Variants in FAM83A observed in about 807,000 individuals in gnomAD.
FAM83A encodes the protein protein FAM83A.
In FAM83A, 21 loss-of-function variants were observed where a neutral mutation model predicts 24.4. That is an observed-to-expected ratio of 0.86 (90% CI 0.61 to 1.24). The LOEUF (loss-of-function observed/expected upper bound fraction) is 1.24. Ranked by LOEUF, FAM83A falls within the 50% of genes most tolerant of loss-of-function variation. The probability of loss-of-function intolerance (pLI) is 0.00; values close to 1 mark genes in which losing one functional copy is unlikely to be tolerated. For synonymous variants in FAM83A, 270 were observed against 252.4 expected (o/e 1.07, Z -0.66); for missense variants, 617 against 579.8 (o/e 1.06, Z -0.66).
chr8:123,193,974 A>G, intron 2 of FAM83A, 50 bp from the exon 3 acceptor site: 1 of 1,608,388 alleles, frequency 6.2e-7, no homozygotes, highest in Non-Finnish European at 8.5e-7. Flanking sequence ...GCCCAAATGT[A>G]TCTCTATAAA....
intron 1 of FAM83A, among the ~76,000 whole-genome samples, chr8:123,186,022 C>T (rs552734566): frequency 6.6e-6 from 1 of 152,272 alleles, no homozygotes; most frequent in Admixed American, 6.5e-5. Context: ...AACTCCTGAC[C>T]TCATGATCCA....
chr8:123,192,790 T>C (rs1463064493), intron 2 of FAM83A: 2 of 152,362 alleles, frequency 1.3e-5, no homozygotes, highest in Non-Finnish European at 2.9e-5. Context: ...TTGGGACCTC[T>C]GGCTGCTGGT....
Position 123,183,386 on chromosome 8 carries a change from G to A in FAM83A, c.480+50G>A, listed in dbSNP as rs779631433. ...CCGTGGCCAAGTAGCAGGGAGGATC[G>A]GGGGCTGATAGAGCAGGGAGGGGGG... On this transcript the variant is annotated intron_variant, in intron 1 of 3. Coordinates refer to ENST00000690554, the Ensembl canonical transcript of FAM83A. 32 of 1,570,026 alleles carry A rather than the reference G, an allele frequency of 2.0e-5. 2 individuals carry two copies. In the South Asian group the frequency reaches 2.3e-4, roughly 11 times the overall value.
chr8:123,208,787 G>T, exon 4 of FAM83A: 1 of 973,136 alleles, frequency 1.0e-6, no homozygotes, highest in Non-Finnish European at 1.2e-6. Context: ...CCTGAGATCA[G>T]GTGGATTACC....
chr8:123,194,085 CT>C lies in FAM83A; in HGVS notation c.711del (p.Gly238AlafsTer59). ...TGTGCCAAGTCAGGCAGGAAATTCG[CT>C]GGCCAAATCCGGGAGAAGTTCATCA... On this transcript the variant is annotated frameshift_variant, in exon 3 of 4. Coordinates refer to ENST00000690554, the Ensembl canonical transcript of FAM83A. LOFTEE classifies it high-confidence loss of function. 1.9e-6 allele frequency: 3 copies of C among 1,614,214 alleles called. 1 individual carries two copies. In the South Asian group the frequency reaches 3.3e-5, roughly 18 times the overall value.
At chr8:123,191,087 C>T (rs1823959255) in intron 1 of FAM83A, among the ~76,000 whole-genome samples, 1 of 152,156 alleles carries the variant, frequency 6.6e-6, no homozygotes, top group Non-Finnish European at 1.5e-5. Flanking sequence ...GGCAATAGAC[C>T]CTTCCAAACC....
chr8:123,184,777 A>T (rs1302494740), intron 1 of FAM83A, among the ~76,000 whole-genome samples: 1 of 152,194 alleles, frequency 6.6e-6, no homozygotes, highest in African/African-American at 2.4e-5. Flanking sequence ...CATCATCTGT[A>T]AAATCCTCTC....
chr8:123,203,011 T>C (rs374739802), intron 3 of FAM83A, among the ~76,000 whole-genome samples: 14 of 151,952 alleles, frequency 9.2e-5, no homozygotes, highest in African/African-American at 3.4e-4. Context: ...AACAGAAAGC[T>C]CAGGCACATA....
intron 3 of FAM83A, among the ~76,000 whole-genome samples, chr8:123,206,138 CAA>C (rs57788150): frequency 3.6e-4 from 40 of 110,950 alleles, no homozygotes; most frequent in African/African-American, 7.3e-4. Flanking sequence ...GTAAGACTCT[CAA>C]AAAAAAAAAA....
At chr8:123,183,406 G>T (rs1823683250) in intron 1 of FAM83A, 70 bp downstream of exon 1, 1 of 1,542,338 alleles carries the variant, frequency 6.5e-7, no homozygotes, top group Admixed American at 1.9e-5. Context: ...AGAGCAGGGA[G>T]GGGGGTGCAT....
intron 3 of FAM83A, among the ~76,000 whole-genome samples, chr8:123,194,878 A>G (rs140391283): frequency 0.014 from 2,154 of 152,310 alleles, 49 homozygotes; most frequent in African/African-American, 0.049. Flanking sequence ...CCCTGCGCCC[A>G]GCCTCAATTT....
intron 3 of FAM83A, among the ~76,000 whole-genome samples, chr8:123,205,603 G>A (rs1047961491): frequency 1.3e-5 from 2 of 152,204 alleles, no homozygotes; most frequent in African/African-American, 4.8e-5. Context: ...GGTGGGCTGG[G>A]GGCTGGGGGC....
chr8:123,191,823 T>C, exon 2 of FAM83A: 1 of 1,614,012 alleles, frequency 6.2e-7, no homozygotes, highest in East Asian at 2.2e-5. Context: ...TCCTGATGGA[T>C]GTGTTCACGG....
intron 2 of FAM83A, among the ~76,000 whole-genome samples, chr8:123,192,327 G>A (rs1824008548): frequency 6.6e-6 from 1 of 152,160 alleles, no homozygotes. Context: ...TATCTGGTGA[G>A]CAGCATCTCT....
At chr8:123,207,197 T>C in exon 4 of FAM83A, 2 of 1,600,290 alleles carry the variant, frequency 1.2e-6, no homozygotes, top group Non-Finnish European at 1.7e-6. Flanking sequence ...GAACATCCTC[T>C]CCAAGTTCAC....
chr8:123,209,016 T>TCAC lies in FAM83A; in HGVS notation c.*1328_*1329insCAC, dbSNP rs1442681141. 1 of 985,728 alleles carries TCAC rather than the reference T, an allele frequency of 1.0e-6. No individual in the cohort carries two copies. The highest frequency in any genetic ancestry group is 1.8e-5 in the African/African-American group (1 of 56,412). 61.1% of individuals were successfully genotyped at this position (985,728 alleles called of 1,614,324 possible). On this transcript the variant is annotated 3_prime_UTR_variant, in exon 4 of 4. Coordinates refer to ENST00000690554, the Ensembl canonical transcript of FAM83A. This position sits in a 1 kb window ranked among gnomAD's most constrained non-coding sequence, Gnocchi z 4.7. ...CATAGAGGAGGGTTGGCCAGCCCTGTGGTGGGTGGGATGTCAGAGACACTT... is the reference window on the plus strand; with the variant it reads ...CATAGAGGAGGGTTGGCCAGCCCTGTCACGGTGGGTGGGATGTCAGAGACACTT...
intron 3 of FAM83A, 113 bp downstream of exon 3, chr8:123,194,261 C>A (rs1824071966): frequency 1.4e-6 from 2 of 1,448,818 alleles, no homozygotes; most frequent in African/African-American, 1.4e-5. Flanking sequence ...CCCAGAAGGT[C>A]TCCCTCTGCC....
Position 123,209,621 on chromosome 8 carries a change from G to A in FAM83A, c.*1933G>A. The A allele has an allele frequency of 6.5e-7, 1 of 1,538,358 alleles. No homozygotes were observed. The highest frequency in any genetic ancestry group is 8.9e-7 in the Non-Finnish European group (1 of 1,123,902). ...AGAAAGTTTAAGGAAGGCAAAGCTT[G>A]CCAGGTCACAGAAGCTCCCAAGCCC... On this transcript the variant is annotated 3_prime_UTR_variant, in exon 4 of 4. Coordinates refer to ENST00000690554, the Ensembl canonical transcript of FAM83A. The surrounding 1 kb of genome is among the most constrained non-coding windows in gnomAD (Gnocchi z 4.7).
intron 3 of FAM83A, among the ~76,000 whole-genome samples, chr8:123,205,616 C>T (rs1297944087): frequency 6.6e-6 from 1 of 152,176 alleles, no homozygotes; most frequent in Non-Finnish European, 1.5e-5. Flanking sequence ...CTGGGGGCTG[C>T]GATCCTATCT....
Sources: allele counts gnomAD v4.1 joint callset (sites outside exome capture counted in the v4.1 genomes callset), GRCh38; gene constraint gnomAD v4.1.1; non-coding constraint Gnocchi (gnomAD v3.1); transcripts MANE v1.5; gene names NCBI Gene and HGNC (gene_info 2026-07-23, HGNC 2026-07-21).